The following MAP3K9 variants were observed in gnomAD, a reference collection of about 807,000 sequenced individuals.
The protein encoded by MAP3K9 is mixed lineage kinase 1 (tyr and ser/thr specificity).
In MAP3K9, 46 loss-of-function variants were observed where a neutral mutation model predicts 95.8. The ratio of observed to expected loss-of-function variants is 0.48; its 90% CI spans 0.38 to 0.61. MAP3K9 has a LOEUF of 0.61. Ranked by LOEUF, MAP3K9 falls within the 20% of genes least tolerant of loss-of-function variation. The pLI is 0.00. For missense variants in MAP3K9, 1,296 were observed against 1,474.3 expected (o/e 0.88, Z 1.98); for synonymous variants, 533 against 593.8 (o/e 0.90, Z 1.49).
chr14:70,756,976 T>C (rs1038716095), intron 3 of MAP3K9, among the ~76,000 whole-genome samples: 1 of 152,216 alleles, frequency 6.6e-6, no homozygotes, highest in Non-Finnish European at 1.5e-5. Flanking sequence ...AATATCAGTA[T>C]ACAACTCAAC....
chr14:70,797,966 G>A (rs551981314), intron 2 of MAP3K9, among the ~76,000 whole-genome samples: 15 of 152,316 alleles, frequency 9.8e-5, no homozygotes, highest in African/African-American at 3.4e-4. Flanking sequence ...GGCAGCAACT[G>A]TATTGAGAAT....
intron 2 of MAP3K9, among the ~76,000 whole-genome samples, chr14:70,771,448 T>C (rs577780559): frequency 5.3e-5 from 8 of 152,116 alleles, no homozygotes; most frequent in Non-Finnish European, 1.0e-4. Flanking sequence ...TGCTTGTTCC[T>C]GCCAAAGCCC....
intron 2 of MAP3K9, among the ~76,000 whole-genome samples, chr14:70,776,020 C>G (rs2054593292): frequency 6.6e-6 from 1 of 152,028 alleles, no homozygotes; most frequent in South Asian, 2.1e-4. Flanking sequence ...GAAACCCTAT[C>G]TCTACTAAAA....
At chr14:70,792,727 G>A (rs977900529) in intron 2 of MAP3K9, among the ~76,000 whole-genome samples, 1 of 152,272 alleles carries the variant, frequency 6.6e-6, no homozygotes, top group African/African-American at 2.4e-5. Context: ...TGGGTCCCAG[G>A]GTGCCACAGG....
Position 70,740,114 on chromosome 14 carries a change from T to TC in MAP3K9, c.1617dup (p.Lys540GlufsTer29). ...CTGGAGCGGCTGTTGATAAGACTCT[T>TC]CCTTTTATCCATGGTAGGGGAGGCC... On this transcript the variant is annotated frameshift_variant, in exon 7 of 12. Coordinates refer to ENST00000554752, the MANE Select transcript of MAP3K9 (RefSeq NM_001284230.2). LOFTEE classifies it high-confidence loss of function. 1 of 1,614,194 alleles carries TC rather than the reference T, an allele frequency of 6.2e-7. No individual in the cohort carries two copies. Among genetic ancestry groups the TC allele is most frequent in the Non-Finnish European group, 8.5e-7 (1 of 1,180,024 alleles).
In MAP3K9 at chr14:70,755,094, C is replaced by T. The variant is rs1031286083; in HGVS notation, c.1002-5013G>A. ...CCCTGGGCACCTGGAATAGCAGAGG[C>T]GCAGAGGCCCCCAGCTCTGGATGAG... is the stretch of plus-strand genomic sequence containing the variant. On this transcript the variant is annotated intron_variant, in intron 3 of 11. Transcript: ENST00000554752. Among the ~76,000 whole-genome samples the T allele has an allele frequency of 9.2e-5, 14 of 152,316 alleles. 1 individual carries two copies. Among genetic ancestry groups the T allele is most frequent in the African/African-American group, 4.8e-5 (2 of 41,574 alleles).
At chr14:70,762,211 A>T (rs2054385528) in intron 2 of MAP3K9, among the ~76,000 whole-genome samples, 1 of 152,180 alleles carries the variant, frequency 6.6e-6, no homozygotes, top group Admixed American at 6.5e-5. Flanking sequence ...GAACATGTGT[A>T]TACATATATT....
intron 2 of MAP3K9, among the ~76,000 whole-genome samples, chr14:70,791,142 CAGAGGAAACAG>C (rs1419666931): frequency 2.0e-5 from 3 of 152,158 alleles, no homozygotes; most frequent in Non-Finnish European, 4.4e-5. Context: ...TGGCTCAAAT[CAGAGGAAACAG>C]ATCAAAGAGG....
At chr14:70,788,651 T>C (rs973158189) in intron 2 of MAP3K9, among the ~76,000 whole-genome samples, 1 of 152,186 alleles carries the variant, frequency 6.6e-6, no homozygotes, top group Admixed American at 6.5e-5. Flanking sequence ...GTGGTGTTGT[T>C]TGGAGAATGT....
intron 9 of MAP3K9, among the ~76,000 whole-genome samples, chr14:70,735,751 A>G (rs1226316753): frequency 6.6e-6 from 1 of 152,228 alleles, no homozygotes; most frequent in East Asian, 1.9e-4. Context: ...TGGAGTGGTC[A>G]GTGGAGTGAA....
intron 2 of MAP3K9, among the ~76,000 whole-genome samples, chr14:70,787,778 T>C (rs2054763131): frequency 6.8e-6 from 1 of 147,898 alleles, no homozygotes; most frequent in Non-Finnish European, 1.5e-5. Context: ...AGTAAAAGTG[T>C]TTTGAGTCCA....
chr14:70,760,940 T>C (rs1425830005), intron 3 of MAP3K9, 62 bp downstream of exon 3: 8 of 1,565,116 alleles, frequency 5.1e-6, no homozygotes, highest in Non-Finnish European at 6.1e-6. Flanking sequence ...CTCCAAGTCT[T>C]GAAATGTGTG....
intron 5 of MAP3K9, among the ~76,000 whole-genome samples, chr14:70,745,945 T>C (rs982506215): frequency 2.6e-5 from 4 of 152,126 alleles, no homozygotes; most frequent in Admixed American, 2.0e-4. Context: ...TTCCTGAGAG[T>C]TGAACTTGAA....
chr14:70,759,288 T>C (rs1228254801), intron 3 of MAP3K9, among the ~76,000 whole-genome samples: 2 of 151,870 alleles, frequency 1.3e-5, no homozygotes, highest in Non-Finnish European at 2.9e-5. Flanking sequence ...CTACTAAAAA[T>C]ATAAAAATTA....
intron 2 of MAP3K9, among the ~76,000 whole-genome samples, chr14:70,769,920 G>C (rs948569389): frequency 1.3e-5 from 2 of 152,194 alleles, no homozygotes; most frequent in African/African-American, 2.4e-5. Context: ...TGTTTGTGTG[G>C]AGGGTTGTGG....
intron 1 of MAP3K9, among the ~76,000 whole-genome samples, chr14:70,807,846 T>G (rs1019357446): frequency 4.6e-5 from 7 of 152,204 alleles, no homozygotes; most frequent in African/African-American, 1.7e-4. Flanking sequence ...AAGATTTCAT[T>G]ATAGGGTATG....
rs371303552 is a variant in MAP3K9 at position 70,761,148 on chromosome 14, C to T, written c.855G>A (p.Leu285=). The T allele has an allele frequency of 1.7e-5, 28 of 1,613,910 alleles. No homozygotes were observed. The highest frequency in any genetic ancestry group is 3.4e-6 in the Non-Finnish European group (4 of 1,179,966). Residue 285 remains leucine (L), a synonymous_variant, in exon 3 of 12, where the codon CTG becomes CTA. Coordinates refer to ENST00000554752, the MANE Select transcript of MAP3K9 (RefSeq NM_001284230.2). ...CAGTGATCTTCAGAATCTTGTTGCT[C>T]AGGTCTCCATTCTCCACCTTCTGGA... ...LILQKVENGD[L]SNKILKITDF...
intron 5 of MAP3K9, among the ~76,000 whole-genome samples, chr14:70,747,573 C>T (rs1566738739): frequency 6.6e-6 from 1 of 152,200 alleles, no homozygotes; most frequent in Non-Finnish European, 1.5e-5. Context: ...AGAAGACCCA[C>T]ATTCAAGATT....
chr14:70,776,717 T>G (rs757802896), intron 2 of MAP3K9, among the ~76,000 whole-genome samples: 8 of 151,886 alleles, frequency 5.3e-5, no homozygotes, highest in Non-Finnish European at 1.2e-4. Flanking sequence ...GGGCCCCAAA[T>G]AAAGCATTCT....
Sources: gnomAD v4.1 joint callset for allele counts (sites outside exome capture counted in the v4.1 genomes callset) on GRCh38, gnomAD v4.1.1 for gene constraint, MANE v1.5 for transcripts, NCBI Gene and HGNC (gene_info 2026-07-23, HGNC 2026-07-21) for gene names.